The following HDAC9 variants were observed in gnomAD, a reference collection of about 807,000 sequenced individuals.
The protein encoded by HDAC9 is histone deacetylase 9, also known as MEF-2 interacting transcription repressor (MITR) protein.
HDAC9 carries 41 observed loss-of-function variants against 139.4 expected under a neutral mutation model. The ratio of observed to expected loss-of-function variants is 0.29; its 90% CI spans 0.23 to 0.38. HDAC9 has a LOEUF of 0.38. Among genes scored for constraint, HDAC9 ranks in the 10% least tolerant of loss-of-function variants. The pLI, the probability that HDAC9 is intolerant of heterozygous loss-of-function variation, is 1.00. For missense variants in HDAC9, 1,147 were observed against 1,297.0 expected (o/e 0.88, Z 1.78); for synonymous variants, 517 against 476.2 (o/e 1.09, Z -1.12).
At chr7:18,496,753 CAGA>C in intron 2 of HDAC9, 1 of 157,180 alleles carries the variant, frequency 6.4e-6, no homozygotes, top group East Asian at 1.9e-4. Flanking sequence ...TCTGTGCCTA[CAGA>C]AGCACATCTA....
upstream of HDAC9, among the ~76,000 whole-genome samples, chr7:18,286,172 G>A (rs1034634148): frequency 4.6e-5 from 7 of 151,956 alleles, no homozygotes; most frequent in Non-Finnish European, 1.0e-4. Context: ...GCTCTAGTCA[G>A]CATATAACTT....
At chr7:18,365,441 T>G (rs1784105678) in intron 1 of HDAC9, among the ~76,000 whole-genome samples, 1 of 152,108 alleles carries the variant, frequency 6.6e-6, no homozygotes. Flanking sequence ...ATCCCTGGTA[T>G]AAAGGATCTC....
intron 22 of HDAC9, among the ~76,000 whole-genome samples, chr7:18,886,070 G>C (rs542625870): frequency 5.6e-4 from 85 of 152,302 alleles, no homozygotes; most frequent in Non-Finnish European, 1.1e-3. Flanking sequence ...AGGCAAACCT[G>C]TCAGGATATA....
chr7:18,270,930 G>T (rs937860921), intron 2 of HDAC9, among the ~76,000 whole-genome samples: 1 of 151,874 alleles, frequency 6.6e-6, no homozygotes, highest in Non-Finnish European at 1.5e-5. Context: ...TTTATTATTC[G>T]ATTCTGTGTA....
At chr7:18,708,083 C>G (rs1231280995) in intron 12 of HDAC9, among the ~76,000 whole-genome samples, 3 of 152,030 alleles carry the variant, frequency 2.0e-5, no homozygotes, top group Non-Finnish European at 4.4e-5. Context: ...GGAGAGACAT[C>G]GCTTCAACTG....
intron 2 of HDAC9, among the ~76,000 whole-genome samples, chr7:18,228,448 T>C (rs558111464): frequency 9.7e-4 from 147 of 152,276 alleles, no homozygotes; most frequent in African/African-American, 3.3e-3. Flanking sequence ...TGATGTTCAC[T>C]GTCACTGTGA....
At chr7:18,386,358 T>G (rs1342266234) in intron 1 of HDAC9, among the ~76,000 whole-genome samples, 1 of 152,248 alleles carries the variant, frequency 6.6e-6, no homozygotes. Flanking sequence ...GGTTTGTATT[T>G]TCTATCAACT....
At chr7:18,711,785 A>G (rs1408658469) in intron 12 of HDAC9, among the ~76,000 whole-genome samples, 1 of 152,166 alleles carries the variant, frequency 6.6e-6, no homozygotes, top group Non-Finnish European at 1.5e-5. Context: ...TAAATCTCAT[A>G]TGACACAGTT....
At chr7:18,274,612 C>G (rs1374237617) in intron 2 of HDAC9, among the ~76,000 whole-genome samples, 1 of 152,114 alleles carries the variant, frequency 6.6e-6, no homozygotes, top group Admixed American at 6.5e-5. Flanking sequence ...CACATCCCAA[C>G]TATAGCAGCC....
upstream of HDAC9, among the ~76,000 whole-genome samples, chr7:18,491,888 T>A (rs1225405845): frequency 6.6e-6 from 1 of 151,942 alleles, no homozygotes. Flanking sequence ...TAATGTCATC[T>A]GGAAGCACCC....
chr7:18,668,407 A>C (rs1322099130), intron 12 of HDAC9: 1 of 933,756 alleles, frequency 1.1e-6, no homozygotes, highest in Non-Finnish European at 1.3e-6. Flanking sequence ...CATTTTCTTC[A>C]AAGTCTTTTT....
At chr7:18,602,551 A>G (rs1040781372) in intron 6 of HDAC9, among the ~76,000 whole-genome samples, 4 of 151,196 alleles carry the variant, frequency 2.6e-5, no homozygotes, top group African/African-American at 9.7e-5. Context: ...AGATTATTCA[A>G]TTTTTATCTT....
At chr7:18,680,092 G>C (rs1186757863) in intron 12 of HDAC9, among the ~76,000 whole-genome samples, 4 of 152,000 alleles carry the variant, frequency 2.6e-5, no homozygotes, top group Middle Eastern at 6.8e-3. Flanking sequence ...AAATGAATGG[G>C]ACCTACGAAC....
In HDAC9 at chr7:19,000,528, A is replaced by G. The variant is rs561570912; in HGVS notation, c.*4466A>G. The G allele has an allele frequency of 6.6e-6, 1 of 152,234 alleles. No individual in the cohort carries two copies. The highest frequency in any genetic ancestry group is 1.5e-5 in the Non-Finnish European group (1 of 68,038). The allele number at this position is 152,234 out of a possible 1,614,324, so 9.4% of individuals were successfully genotyped here. On this transcript the variant is annotated 3_prime_UTR_variant, in exon 26 of 26. Coordinates refer to ENST00000686413, the MANE Select transcript of HDAC9 (RefSeq NM_178425.4). ...AAATCAACTGCAGTCCGTTTTATCT[A>G]TGATATTCCTGGCTTCGTATAATGG...
At chr7:18,415,443 G>A (rs1011431832) in intron 1 of HDAC9, among the ~76,000 whole-genome samples, 4 of 152,228 alleles carry the variant, frequency 2.6e-5, no homozygotes, top group East Asian at 1.9e-4. Context: ...ACTTGGTCCA[G>A]TGGCAATCAA....
chr7:18,939,427 G>A (rs1294869746), intron 23 of HDAC9, among the ~76,000 whole-genome samples: 1 of 152,068 alleles, frequency 6.6e-6, no homozygotes, highest in Non-Finnish European at 1.5e-5. Flanking sequence ...ATACAAATGT[G>A]TTGTACATTA....
In HDAC9 at chr7:18,311,188, C is replaced by T. The variant is rs149214057; in HGVS notation, c.-42+20673C>T. On this transcript the variant is annotated intron_variant, in intron 1 of 3. Transcript: ENST00000413509. ...TTTAGAGGTCTTACACAGTACCAAACAGTGTTCTAAGTATTTTATATTTAT... is the reference window on the plus strand; with the variant it reads ...TTTAGAGGTCTTACACAGTACCAAATAGTGTTCTAAGTATTTTATATTTAT... 1.1e-4 allele frequency among the ~76,000 whole-genome samples: 16 copies of T among 152,094 alleles called. No individual in the cohort carries two copies. The East Asian group carries it at 2.7e-3, about 26-fold the overall frequency.
chr7:18,675,173 T>C (rs966476497), intron 12 of HDAC9, among the ~76,000 whole-genome samples: 1 of 152,006 alleles, frequency 6.6e-6, no homozygotes, highest in African/African-American at 2.4e-5. Flanking sequence ...ATGTGGAAAT[T>C]GATGTGTTGT....
intron 12 of HDAC9, among the ~76,000 whole-genome samples, chr7:18,688,686 A>C (rs2129095856): frequency 6.6e-6 from 1 of 152,066 alleles, no homozygotes; most frequent in Non-Finnish European, 1.5e-5. Flanking sequence ...TTGGTTAGAC[A>C]AGTAGATCCT....
Sources: gnomAD v4.1 joint callset for allele counts (sites outside exome capture counted in the v4.1 genomes callset) on GRCh38, gnomAD v4.1.1 for gene constraint, MANE v1.5 for transcripts, NCBI Gene and HGNC (gene_info 2026-07-23, HGNC 2026-07-21) for gene names.